RBM47: variants seen among roughly 807,000 people sequenced by gnomAD.
The protein encoded by RBM47 is RNA binding motif protein 47, also known as RNA-binding protein 47.
A neutral mutation model predicts 47.1 loss-of-function variants in RBM47; 21 were observed. The ratio of observed to expected loss-of-function variants is 0.45; its 90% CI spans 0.32 to 0.64. The LOEUF (loss-of-function observed/expected upper bound fraction) is 0.64. Ranked by LOEUF, RBM47 falls within the 30% of genes least tolerant of loss-of-function variation. RBM47 has a pLI of 0.05. For missense variants in RBM47, 708 were observed against 870.9 expected (o/e 0.81, Z 2.35); for synonymous variants, 375 against 361.7 (o/e 1.04, Z -0.42).
In RBM47 at chr4:40,541,403, A is replaced by G. The variant is rs425492; in HGVS notation, c.-155+3019T>C. Among the ~76,000 whole-genome samples, 188 of 152,268 alleles carry G rather than the reference A, an allele frequency of 1.2e-3. 1 individual carries two copies. Among genetic ancestry groups the G allele is most frequent in the Middle Eastern group, 6.8e-3 (2 of 292 alleles). On this transcript the variant is annotated intron_variant, in intron 2 of 6. Transcript: ENST00000295971. Reference sequence around the variant, plus strand: ...AATTTCTGCATCCGTCAGTTCAGTAACTGGCCAAAGGGCGCCAGCTCAGCA... The same window carrying G: ...AATTTCTGCATCCGTCAGTTCAGTAGCTGGCCAAAGGGCGCCAGCTCAGCA...
chr4:40,475,428 T>C (rs1238840196), intron 2 of RBM47, among the ~76,000 whole-genome samples: 1 of 152,188 alleles, frequency 6.6e-6, no homozygotes, highest in African/African-American at 2.4e-5. Flanking sequence ...AAGATCTAGA[T>C]TTTTCAAGCA....
chr4:40,432,876 A>T lies in RBM47; in HGVS notation c.1331-14T>A. The T allele has an allele frequency of 3.7e-6, 6 of 1,613,150 alleles. No homozygotes were observed. The highest frequency in any genetic ancestry group is 5.1e-6 in the Non-Finnish European group (6 of 1,179,732). On this transcript the variant is annotated splice_polypyrimidine_tract_variant and intron_variant, in intron 5 of 6. Coordinates refer to ENST00000295971, the MANE Select transcript of RBM47 (RefSeq NM_001098634.2). ...CAGGGATGGCTACTGCAAGAGAAGC[A>T]AGAAGGAAAAACAGGTCAATCACTT...
At position 40,438,382 on chromosome 4, in the gene RBM47, A is replaced by G. The variant is rs1316534519; in HGVS notation, c.512T>C (p.Ile171Thr). The change falls in exon 4 of 7, where the codon ATT (isoleucine) becomes ACT (threonine). Residue 171 changes from isoleucine (I) to threonine (T), a missense_variant. Ile to Thr is a moderately conservative substitution (Grantham distance 89, BLOSUM62 -1). Transcript: ENST00000295971. ...CAGCACGCCCTCGGTGACCTTGGCA[A>G]TCTCCTCCAGGATTTCCTCGCGCTT... ...MKKREEILEE[I>T]AKVTEGVLDV... 1.2e-6 allele frequency: 2 copies of G among 1,612,688 alleles called. No homozygotes were observed. Among genetic ancestry groups the G allele is most frequent in the South Asian group, 1.1e-5 (1 of 91,074 alleles).
intron 2 of RBM47, among the ~76,000 whole-genome samples, chr4:40,533,560 A>C (rs1344423655): frequency 6.6e-6 from 1 of 152,284 alleles, no homozygotes; most frequent in East Asian, 1.9e-4. Flanking sequence ...TTTTTAAAAA[A>C]TACTGATTCC....
At chr4:40,464,993 C>T (rs7693447) in intron 3 of RBM47, among the ~76,000 whole-genome samples, 4,219 of 149,780 alleles carry the variant, frequency 0.028, 204 homozygotes, top group African/African-American at 0.096. Flanking sequence ...GGATTGTGGG[C>T]TTATGGGTAG....
chr4:40,491,181 T>C (rs1721822081), intron 2 of RBM47, among the ~76,000 whole-genome samples: 1 of 152,220 alleles, frequency 6.6e-6, no homozygotes, highest in Admixed American at 6.5e-5. Context: ...AACATGTATC[T>C]GTGGTCAATC....
At chr4:40,518,554 G>C (rs1452268480) in intron 2 of RBM47, among the ~76,000 whole-genome samples, 1 of 152,086 alleles carries the variant, frequency 6.6e-6, no homozygotes, top group Non-Finnish European at 1.5e-5. Context: ...AGACAGATGA[G>C]AGGACAGACT....
intron 1 of RBM47, among the ~76,000 whole-genome samples, chr4:40,569,454 G>T (rs1327704144): frequency 6.7e-6 from 1 of 149,268 alleles, no homozygotes; most frequent in African/African-American, 2.5e-5. Flanking sequence ...CTGTCGCCCA[G>T]GCTGGAGTGC....
intron 1 of RBM47, among the ~76,000 whole-genome samples, chr4:40,570,660 A>G (rs1332381276): frequency 6.6e-6 from 1 of 152,102 alleles, no homozygotes; most frequent in African/African-American, 2.4e-5. Context: ...TGGAGAACAC[A>G]GCATAGAATG....
intron 3 of RBM47, among the ~76,000 whole-genome samples, chr4:40,439,688 A>C (rs1281455543): frequency 6.6e-6 from 1 of 152,214 alleles, no homozygotes; most frequent in Non-Finnish European, 1.5e-5. Context: ...TGTCACCTGC[A>C]TTCTCTTAAT....
rs905900338 is a variant in RBM47, at chr4:40,424,712, C to G, written c.*1192G>C. The G allele has an allele frequency of 7.2e-5, 11 of 152,088 alleles. No individual in the cohort carries two copies. Among genetic ancestry groups the G allele is most frequent in the African/African-American group, 2.7e-4 (11 of 41,426 alleles). The allele number at this position is 152,088 out of a possible 1,614,324, so 9.4% of individuals were successfully genotyped here. A position where few individuals can be genotyped will look rare whatever the true frequency, so the allele number is the denominator to read the frequency against. On this transcript the variant is annotated 3_prime_UTR_variant, in exon 7 of 7. Transcript: ENST00000295971. Reference sequence around the variant, plus strand: ...TTCCAACACCCTTGAGGACCATGGACAGTTTTGCAAGAAACATGGTAAGGC... The same window carrying G: ...TTCCAACACCCTTGAGGACCATGGAGAGTTTTGCAAGAAACATGGTAAGGC...
At chr4:40,580,361 C>G (rs1732766486) in intron 1 of RBM47, among the ~76,000 whole-genome samples, 1 of 152,078 alleles carries the variant, frequency 6.6e-6, no homozygotes, top group South Asian at 2.1e-4. Flanking sequence ...AAAGTTTACT[C>G]TCCTCATTTG....
chr4:40,541,616 T>C (rs1053206766), intron 2 of RBM47, among the ~76,000 whole-genome samples: 4 of 152,090 alleles, frequency 2.6e-5, no homozygotes, highest in Non-Finnish European at 5.9e-5. Context: ...CGCATGCCTA[T>C]AATCCCAGCT....
intron 2 of RBM47, among the ~76,000 whole-genome samples, chr4:40,523,016 G>T (rs1726350779): frequency 6.7e-6 from 1 of 149,284 alleles, no homozygotes; most frequent in South Asian, 2.1e-4. Flanking sequence ...CCCAGGCTGG[G>T]GTGCAGTGGT....
intron 1 of RBM47, among the ~76,000 whole-genome samples, chr4:40,610,329 G>T (rs1057419868): frequency 5.3e-5 from 8 of 151,334 alleles, no homozygotes; most frequent in Admixed American, 2.6e-4. Context: ...TGTTTAGAAC[G>T]GGACCAAGCA....
intron 2 of RBM47, among the ~76,000 whole-genome samples, chr4:40,528,942 CA>C (rs201660719): frequency 1.4e-5 from 2 of 140,584 alleles, no homozygotes; most frequent in East Asian, 2.1e-4. Context: ...GACTCCGTCT[CA>C]AAAAAAAAAT....
At chr4:40,469,650 G>T (rs1445486687) in intron 2 of RBM47, among the ~76,000 whole-genome samples, 1 of 150,474 alleles carries the variant, frequency 6.6e-6, no homozygotes, top group Admixed American at 6.6e-5. Context: ...TGTGTTTGGA[G>T]TTATTCTGGA....
At chr4:40,495,219 G>A (rs768580088) in intron 2 of RBM47, among the ~76,000 whole-genome samples, 6 of 152,108 alleles carry the variant, frequency 3.9e-5, no homozygotes, top group South Asian at 2.1e-4. Context: ...TGGGATGACC[G>A]AGGTCCCATA....
chr4:40,592,973 ATATATATTTTTTTTTTTTTTTTTT>A (rs1174653501), intron 1 of RBM47, among the ~76,000 whole-genome samples: 1 of 17,968 alleles, frequency 5.6e-5, no homozygotes, highest in Non-Finnish European at 9.2e-5. Flanking sequence ...ATATATATAT[ATATATATTTTTTTTTTTTTTTTTT>A]TTTTTTTTTT....
Sources: allele counts gnomAD v4.1 joint callset (sites outside exome capture counted in the v4.1 genomes callset), GRCh38; gene constraint gnomAD v4.1.1; transcripts MANE v1.5; gene names NCBI Gene and HGNC (gene_info 2026-07-23, HGNC 2026-07-21).